TACC2: variants seen among roughly 807,000 people sequenced by gnomAD.
TACC2 encodes the protein transforming acidic coiled-coil containing protein 2.
Under a neutral mutation model 227.3 loss-of-function variants are expected in TACC2, and 137 were observed. The observed-to-expected ratio is 0.60, with a 90% CI of 0.52 to 0.69. The LOEUF is 0.69. TACC2 is among the 30% of genes least tolerant of loss of function. The pLI, the probability that TACC2 is intolerant of heterozygous loss-of-function variation, is 0.00. For synonymous variants in TACC2, 1,523 were observed against 1,487.5 expected (o/e 1.02, Z -0.55); for missense variants, 3,470 against 3,694.4 (o/e 0.94, Z 1.57).
At position 122,150,335 on chromosome 10, in the gene TACC2, C is replaced by T. The variant is rs1384653472; in HGVS notation, c.5834+6629C>T. Among the ~76,000 whole-genome samples the T allele has an allele frequency of 6.6e-6, 1 of 152,198 alleles. No homozygotes were observed. The highest frequency in any genetic ancestry group is 1.5e-5 in the Non-Finnish European group (1 of 68,030). ...TGAGGGCGTGGCTGGACGTGCTCAGCACAGCACTGGTGGGTGGAAGGTTCC... is the reference window on the plus strand; with the variant it reads ...TGAGGGCGTGGCTGGACGTGCTCAGTACAGCACTGGTGGGTGGAAGGTTCC... On this transcript the variant is annotated intron_variant, in intron 7 of 22. Transcript: ENST00000369005. This position sits in a 1 kb window ranked among gnomAD's most constrained non-coding sequence, Gnocchi z 4.0.
chr10:122,189,916 A>G (rs565659655), intron 7 of TACC2, among the ~76,000 whole-genome samples: 10 of 152,304 alleles, frequency 6.6e-5, no homozygotes, highest in Admixed American at 6.5e-4. Flanking sequence ...AGCTGGGATA[A>G]GTGTGTTGGA....
chr10:122,166,851 A>G (rs185276244), intron 7 of TACC2, among the ~76,000 whole-genome samples: 213 of 152,348 alleles, frequency 1.4e-3, no homozygotes, highest in African/African-American at 4.7e-3. Context: ...TAGCAAGGGG[A>G]GGGAGAATTC....
At chr10:122,068,422 A>G (rs1363185640) in intron 3 of TACC2, among the ~76,000 whole-genome samples, 11 of 152,224 alleles carry the variant, frequency 7.2e-5, no homozygotes, top group Non-Finnish European at 1.3e-4. Flanking sequence ...TCGTATTCCT[A>G]TAAATGCTAT....
chr10:122,146,100 C>T (rs1482738498), intron 7 of TACC2, among the ~76,000 whole-genome samples: 6 of 152,260 alleles, frequency 3.9e-5, no homozygotes, highest in African/African-American at 9.6e-5. Context: ...GTGCAGCACC[C>T]TGGATGGATG....
At chr10:122,126,995 T>A (rs1646493388) in intron 5 of TACC2, 1 of 152,610 alleles carries the variant, frequency 6.6e-6, no homozygotes, top group South Asian at 2.1e-4. Flanking sequence ...ATTAGTGCCC[T>A]TATAAAAAGA....
chr10:122,203,419 A>AC (rs1390845581), intron 8 of TACC2, among the ~76,000 whole-genome samples: 13 of 135,514 alleles, frequency 9.6e-5, no homozygotes, highest in East Asian at 4.5e-4. Flanking sequence ...CGGGCGGCTG[A>AC]CCCCCCCACC....
At chr10:122,136,082 A>G (rs1044108484) in intron 6 of TACC2, among the ~76,000 whole-genome samples, 1 of 152,248 alleles carries the variant, frequency 6.6e-6, no homozygotes, top group Non-Finnish European at 1.5e-5. Context: ...ACAGAAGCAC[A>G]CATGGAACAA....
intron 2 of TACC2, among the ~76,000 whole-genome samples, chr10:122,037,612 T>G (rs536110583): frequency 6.6e-6 from 1 of 152,232 alleles, no homozygotes; most frequent in Non-Finnish European, 1.5e-5. Context: ...GCTTTTGCTT[T>G]GTTGAGTCCC....
At chr10:122,018,114 C>T (rs1358289454) in intron 1 of TACC2, among the ~76,000 whole-genome samples, 1 of 151,806 alleles carries the variant, frequency 6.6e-6, no homozygotes, top group Non-Finnish European at 1.5e-5. Flanking sequence ...CCTCCAACTT[C>T]CCGCTTCTCA....
At chr10:122,211,829 T>A (rs1208506636) in intron 9 of TACC2, 121 bp downstream of exon 9, 6 of 793,178 alleles carry the variant, frequency 7.6e-6, no homozygotes, top group Non-Finnish European at 1.2e-5. Flanking sequence ...GCTGTGATGA[T>A]GCCACGCTTA....
intron 3 of TACC2, among the ~76,000 whole-genome samples, chr10:122,059,766 G>T (rs1385840182): frequency 6.6e-6 from 1 of 152,172 alleles, no homozygotes; most frequent in Non-Finnish European, 1.5e-5. Context: ...AAGGTACCCA[G>T]CAGGGTGTCA....
At chr10:122,101,551 C>CTTT (rs34331470) in intron 5 of TACC2, among the ~76,000 whole-genome samples, 7 of 47,176 alleles carry the variant, frequency 1.5e-4, no homozygotes, top group Admixed American at 3.5e-4. Flanking sequence ...AAAACCCCAT[C>CTTT]TTTTTTTTTT....
intron 5 of TACC2, among the ~76,000 whole-genome samples, chr10:122,094,002 G>A (rs2081107911): frequency 6.6e-6 from 1 of 152,182 alleles, no homozygotes; most frequent in African/African-American, 2.4e-5. Flanking sequence ...GTTTCTGTCT[G>A]TCAAGCTGGG....
At chr10:122,013,838 TG>T (rs1278254308) in intron 1 of TACC2, among the ~76,000 whole-genome samples, 1 of 152,196 alleles carries the variant, frequency 6.6e-6, no homozygotes, top group Non-Finnish European at 1.5e-5. Flanking sequence ...GTTCCAGCCT[TG>T]GAACTGGAAG....
intron 7 of TACC2, among the ~76,000 whole-genome samples, chr10:122,145,049 A>G (rs1196815733): frequency 6.6e-6 from 1 of 152,236 alleles, no homozygotes; most frequent in African/African-American, 2.4e-5. Context: ...TGCCTTGGAC[A>G]TAGTAGGTGC....
At chr10:122,017,216 G>C (rs1290717996) in intron 1 of TACC2, among the ~76,000 whole-genome samples, 1 of 152,194 alleles carries the variant, frequency 6.6e-6, no homozygotes, top group African/African-American at 2.4e-5. Context: ...GGGCCGCAGA[G>C]TTGACAGTTT....
chr10:122,254,255 C>A lies in TACC2; in HGVS notation c.*199C>A. ...TTTCTTGCTATTGGTTTGCATTTTC[C>A]TAGTATAATTCATAGCAAGTTGACC... On this transcript the variant is annotated 3_prime_UTR_variant, in exon 23 of 23. Coordinates refer to ENST00000369005, the MANE Select transcript of TACC2 (RefSeq NM_206862.4). 1 of 647,232 alleles carries A rather than the reference C, an allele frequency of 1.5e-6. No homozygotes were observed. The highest frequency in any genetic ancestry group is 1.6e-5 in the South Asian group (1 of 61,374). The allele number at this position is 647,232 out of a possible 1,614,324, so 40.1% of individuals were successfully genotyped here.
intron 2 of TACC2, among the ~76,000 whole-genome samples, chr10:122,034,694 G>A (rs11200358): frequency 1.2e-4 from 18 of 151,574 alleles, no homozygotes; most frequent in African/African-American, 3.9e-4. Context: ...CACTTTGGGA[G>A]GCCGAGGTGG....
At chr10:122,033,108 C>G in intron 2 of TACC2, 1 of 1,289,406 alleles carries the variant, frequency 7.8e-7, no homozygotes. Context: ...AGGACTCCGT[C>G]TTGCATAACG....
Sources: gnomAD v4.1 joint callset for allele counts (sites outside exome capture counted in the v4.1 genomes callset) on GRCh38, gnomAD v4.1.1 for gene constraint, Gnocchi (gnomAD v3.1) non-coding constraint, MANE v1.5 for transcripts, NCBI Gene and HGNC (gene_info 2026-07-23, HGNC 2026-07-21) for gene names.